The following GAS2 variants were observed in gnomAD, a reference collection of about 807,000 sequenced individuals.
The protein encoded by GAS2 is growth arrest-specific protein 2.
GAS2 carries 20 observed loss-of-function variants against 37.5 expected under a neutral mutation model. That is an observed-to-expected ratio of 0.53 (90% CI 0.37 to 0.77). The LOEUF is 0.77. GAS2 is among the 30% of genes least tolerant of loss of function. GAS2 has a pLI of 0.00. For synonymous variants in GAS2, 144 were observed against 132.2 expected (o/e 1.09, Z -0.61); for missense variants, 336 against 373.4 (o/e 0.90, Z 0.82).
chr11:22,710,122 A>C (rs993255481), intron 3 of GAS2, among the ~76,000 whole-genome samples: 5 of 152,046 alleles, frequency 3.3e-5, no homozygotes, highest in East Asian at 3.9e-4. Flanking sequence ...TGTAACTAAC[A>C]TGCACATTGT....
In GAS2 at chr11:22,648,860, A is replaced by T. The variant is rs11529702; in HGVS notation, c.-21+23047A>T. On this transcript the variant is annotated intron_variant, in intron 1 of 5. Transcript: ENST00000528582. The stretch of plus-strand genomic sequence containing the variant: ...CTAGATATACAATCATGTCGTCTAC[A>T]AACAGGGACAATTTGACTTCATCTT... 3.7e-3 allele frequency among the ~76,000 whole-genome samples: 567 copies of T among 152,316 alleles called. 16 individuals carry two copies. In the East Asian group the frequency reaches 0.077, roughly 21 times the overall value.
At chr11:22,762,429 G>T (rs1219349704) in intron 7 of GAS2, among the ~76,000 whole-genome samples, 1 of 152,040 alleles carries the variant, frequency 6.6e-6, no homozygotes, top group East Asian at 1.9e-4. Context: ...AAGTTCTTAA[G>T]TAAGTAGTAA....
intron 3 of GAS2, among the ~76,000 whole-genome samples, chr11:22,700,648 A>C (rs1433888360): frequency 2.0e-5 from 3 of 152,208 alleles, no homozygotes; most frequent in East Asian, 1.9e-4. Flanking sequence ...ATTTGAGTTC[A>C]GAGCATTATA....
intron 4 of GAS2, 142 bp downstream of exon 4, chr11:22,726,575 CA>C: frequency 1.4e-6 from 1 of 695,570 alleles, no homozygotes; most frequent in East Asian, 2.8e-5. Context: ...TGAAATCTTG[CA>C]GGTTTGCTGC....
intron 3 of GAS2, among the ~76,000 whole-genome samples, chr11:22,690,252 A>C (rs74636630): frequency 3.9e-5 from 6 of 152,286 alleles, no homozygotes; most frequent in African/African-American, 1.4e-4. Context: ...AATATTTTAG[A>C]TATTTAGATA....
intron 7 of GAS2, among the ~76,000 whole-genome samples, chr11:22,772,894 C>T (rs935786131): frequency 6.6e-6 from 1 of 152,198 alleles, no homozygotes; most frequent in Non-Finnish European, 1.5e-5. Flanking sequence ...GCATTTCTCA[C>T]ACCCTGCAAT....
intron 7 of GAS2, among the ~76,000 whole-genome samples, chr11:22,767,551 GA>G (rs1414640259): frequency 7.6e-6 from 1 of 130,860 alleles, no homozygotes; most frequent in Non-Finnish European, 1.8e-5. Context: ...ATATGTGAAT[GA>G]TTTTTTTTGC....
rs372335985 is a variant in GAS2 at position 22,674,861 on chromosome 11, G to A, written c.-9G>A. On this transcript the variant is annotated 5_prime_UTR_variant, in exon 2 of 8. Transcript: ENST00000454584. ...TGTTTCCAAAACAGGTATTACAAGT[G>A]GATAAATAATGTGCACTGCTCTGAG... is the stretch of plus-strand genomic sequence containing the variant. 2.3e-5 allele frequency: 36 copies of A among 1,573,098 alleles called. No homozygotes were observed. The highest frequency in any genetic ancestry group is 5.8e-5 in the Admixed American group (3 of 52,032).
intron 7 of GAS2, among the ~76,000 whole-genome samples, chr11:22,798,105 C>T (rs1171970179): frequency 6.6e-6 from 1 of 152,098 alleles, no homozygotes. Context: ...GGGCAATTCA[C>T]TTAACCTTGT....
chr11:22,665,565 C>T (rs553635182), upstream of GAS2, among the ~76,000 whole-genome samples: 1 of 152,162 alleles, frequency 6.6e-6, no homozygotes, highest in South Asian at 2.1e-4. Flanking sequence ...CTATTTTTCC[C>T]TTCTTTTAGA....
At chr11:22,778,798 T>C (rs762188703) in intron 7 of GAS2, among the ~76,000 whole-genome samples, 15 of 152,218 alleles carry the variant, frequency 9.9e-5, no homozygotes, top group Non-Finnish European at 2.1e-4. Flanking sequence ...CCATGAAGAA[T>C]GTTGAAACTG....
At chr11:22,700,780 T>C (rs1850800066) in intron 3 of GAS2, among the ~76,000 whole-genome samples, 1 of 152,162 alleles carries the variant, frequency 6.6e-6, no homozygotes, top group South Asian at 2.1e-4. Context: ...AGATGAGCGA[T>C]AGCTAATGGT....
At chr11:22,743,586 T>C (rs1335458294) in intron 5 of GAS2, among the ~76,000 whole-genome samples, 5 of 152,104 alleles carry the variant, frequency 3.3e-5, no homozygotes, top group Non-Finnish European at 7.4e-5. Context: ...CAGTAGCAGT[T>C]GCTTTTCTAA....
At chr11:22,637,051 TATA>T (rs1406602185) in intron 1 of GAS2, among the ~76,000 whole-genome samples, 16 of 134,166 alleles carry the variant, frequency 1.2e-4, no homozygotes, top group East Asian at 8.9e-4. Flanking sequence ...TTATAATTGA[TATA>T]ATATTATTAT....
chr11:22,729,735 TG>T (rs1223478361), intron 4 of GAS2, among the ~76,000 whole-genome samples: 1 of 127,928 alleles, frequency 7.8e-6, no homozygotes, highest in Non-Finnish European at 1.7e-5. Flanking sequence ...TTACTAGATG[TG>T]AATAAAATCT....
intron 3 of GAS2, among the ~76,000 whole-genome samples, chr11:22,705,042 C>T (rs1200635844): frequency 1.3e-5 from 2 of 151,908 alleles, no homozygotes; most frequent in African/African-American, 2.4e-5. Flanking sequence ...TAATTTAAAA[C>T]TCAAAGTAGA....
At chr11:22,660,673 T>C (rs1848905289) in intron 1 of GAS2, among the ~76,000 whole-genome samples, 1 of 152,236 alleles carries the variant, frequency 6.6e-6, no homozygotes, top group South Asian at 2.1e-4. Context: ...GACTACGATA[T>C]TACAAATTTA....
chr11:22,732,765 C>T lies in GAS2; in HGVS notation c.410-4940C>T, dbSNP rs1223580262. Among the ~76,000 whole-genome samples, 3 of 123,382 alleles carry T rather than the reference C, an allele frequency of 2.4e-5. No individual in the cohort carries two copies. In the Admixed American group the frequency reaches 2.8e-4, roughly 12 times the overall value. The allele number at this position is 123,382 out of a possible 152,430, so 80.9% of individuals were successfully genotyped here. ...ATCCAACATTCGCATTATTTCCCCT[C>T]CATTTATCATCATCATCATCATCAT... On this transcript the variant is annotated intron_variant, in intron 4 of 7. Transcript: ENST00000454584.
At chr11:22,649,044 G>T (rs948483274) in intron 1 of GAS2, among the ~76,000 whole-genome samples, 3 of 152,176 alleles carry the variant, frequency 2.0e-5, no homozygotes, top group African/African-American at 7.2e-5. Context: ...TATGATATTG[G>T]CTGTGGGTTT....
Sources: gnomAD v4.1 joint callset for allele counts (sites outside exome capture counted in the v4.1 genomes callset) on GRCh38, gnomAD v4.1.1 for gene constraint, MANE v1.5 for transcripts, NCBI Gene and HGNC (gene_info 2026-07-23, HGNC 2026-07-21) for gene names.